The following COX15 variants were observed in gnomAD, a reference collection of about 807,000 sequenced individuals.
The protein encoded by COX15 is cytochrome c oxidase assembly factor COX15, also known as heme A synthase COX15.
A neutral mutation model predicts 51.9 loss-of-function variants in COX15; 51 were observed. The observed-to-expected ratio is 0.98, with a 90% CI of 0.78 to 1.24. COX15 has a LOEUF of 1.24. Ranked by LOEUF, COX15 falls within the 50% of genes most tolerant of loss-of-function variation. The pLI, the probability that COX15 is intolerant of heterozygous loss-of-function variation, is 0.00. For synonymous variants in COX15, 188 were observed against 190.5 expected (o/e 0.99, Z 0.11); for missense variants, 420 against 501.1 (o/e 0.84, Z 1.55).
At chr10:99,705,397 C>T in the COX15 span, 121 of 152,546 alleles carry the variant, frequency 7.9e-4, no homozygotes, top group African/African-American at 2.8e-3. Context: ...AAAATTTTTC[C>T]ATTTTTATGT....
chr10:99,731,929 C>A (rs766895914), intron 1 of COX15, 31 bp downstream of exon 1: 2 of 1,590,492 alleles, frequency 1.3e-6, no homozygotes, highest in South Asian at 2.3e-5. Flanking sequence ...ATCCCCGCTC[C>A]CGCGACTCGG....
rs534607148 is a variant in COX15, at chr10:99,723,837, A to G, written c.750+119T>C. 1.7e-5 allele frequency: 19 copies of G among 1,134,358 alleles called. No homozygotes were observed. In the African/African-American group the frequency reaches 1.7e-4, roughly 10 times the overall value. The allele number at this position is 1,134,358 out of a possible 1,614,324, so 70.3% of individuals were successfully genotyped here. ...TTTTCAATTTGTTTCACCTTTGCCA[A>G]TAGAAAATGTTGGCAAAATATTCAA... On this transcript the variant is annotated intron_variant, in intron 5 of 8. Transcript: ENST00000016171.
chr10:99,703,101 T>C, the COX15 span, among the ~76,000 whole-genome samples: 8 of 152,194 alleles, frequency 5.3e-5, no homozygotes, highest in Non-Finnish European at 1.0e-4. Context: ...CTCCAGACAT[T>C]GTGTCATTGA....
rs141066870 is a variant in COX15, at chr10:99,731,967, C to G, written c.83G>C (p.Arg28Thr). ...TCCGCTGCAGTGCGGTACCTGTGCT[C>G]TAGGCGCTGCCCTAGGAGCCAGGAG... is the stretch of plus-strand genomic sequence containing the variant. ...LPLLAPRAAP[R>T]AQCDCIRRPL... The change falls in exon 1 of 9, where the codon AGA becomes ACA. Residue 28 changes from arginine to threonine, a missense_variant. Transcript: ENST00000016171. 1.5e-4 allele frequency: 240 copies of G among 1,610,504 alleles called. No individual in the cohort carries two copies. Among genetic ancestry groups the G allele is most frequent in the Non-Finnish European group, 1.9e-4 (222 of 1,178,790 alleles).
the COX15 span, chr10:99,698,434 C>A: frequency 8.6e-7 from 1 of 1,160,410 alleles, no homozygotes; most frequent in Non-Finnish European, 1.2e-6. Context: ...ATCATGAAAA[C>A]CAGTAGTAAG....
chr10:99,708,395 T>C (rs1300721115), downstream of COX15, among the ~76,000 whole-genome samples: 2 of 152,208 alleles, frequency 1.3e-5, no homozygotes, highest in African/African-American at 4.8e-5. Flanking sequence ...AAGTGAGTGG[T>C]ATCACTTAAG....
intron 6 of COX15, among the ~76,000 whole-genome samples, chr10:99,719,204 G>T (rs2036677133): frequency 1.3e-5 from 2 of 151,970 alleles, no homozygotes; most frequent in African/African-American, 4.8e-5. Flanking sequence ...GAAATGTTTG[G>T]GTCACACTCG....
At chr10:99,707,532 T>C (rs1305497310), downstream of COX15, among the ~76,000 whole-genome samples, 1 of 152,270 alleles carries the variant, frequency 6.6e-6, no homozygotes, top group Non-Finnish European at 1.5e-5. Context: ...TTCTGCACTT[T>C]GGTGGTTCTC....
rs567616889 is a variant in COX15, at chr10:99,726,835, G to A, written c.582+133C>T. On this transcript the variant is annotated intron_variant, in intron 4 of 8. Coordinates refer to ENST00000016171, the MANE Select transcript of COX15 (RefSeq NM_078470.6). ...TGGGAGGCGGAGCTTGCAGTGAGCC[G>A]AGATCACGCGCCACTGCACTCCAGC... 2,157 of 851,756 alleles carry A rather than the reference G, an allele frequency of 2.5e-3. 2 individuals carry two copies. Among genetic ancestry groups the A allele is most frequent in the Non-Finnish European group, 3.2e-3 (1,760 of 554,876 alleles). The allele number at this position is 851,756 out of a possible 1,614,324, so 52.8% of individuals were successfully genotyped here.
chr10:99,724,476 G>A (rs543115284), intron 4 of COX15, among the ~76,000 whole-genome samples: 16 of 152,112 alleles, frequency 1.1e-4, no homozygotes, highest in South Asian at 4.2e-4. Context: ...CACCACACCC[G>A]GCCTGATCTG....
chr10:99,722,547 G>A (rs927403882), intron 5 of COX15, among the ~76,000 whole-genome samples: 13 of 151,984 alleles, frequency 8.6e-5, no homozygotes, highest in Non-Finnish European at 2.9e-5. Context: ...TAGAAGTTTG[G>A]CTTTGATGGG....
the COX15 span, among the ~76,000 whole-genome samples, chr10:99,694,538 G>GTTT: frequency 2.2e-4 from 29 of 134,402 alleles, no homozygotes; most frequent in East Asian, 4.3e-4. Flanking sequence ...AAGTTTTTTT[G>GTTT]TTTTTTTTTT....
intron 5 of COX15, among the ~76,000 whole-genome samples, chr10:99,721,360 C>G (rs999536895): frequency 6.6e-6 from 1 of 152,180 alleles, no homozygotes; most frequent in African/African-American, 2.4e-5. Flanking sequence ...GTACTCATTA[C>G]GCATCTGTTC....
the COX15 span, chr10:99,698,944 C>T: frequency 7.0e-5 from 87 of 1,249,546 alleles, no homozygotes; most frequent in East Asian, 2.0e-3. Context: ...GTGCAAAGGG[C>T]TTTGCATACA....
At chr10:99,698,000 C>G in the COX15 span, 1 of 158,468 alleles carries the variant, frequency 6.3e-6, no homozygotes, top group Admixed American at 5.9e-5. Flanking sequence ...GCTCCAGGCT[C>G]TGCAGGTGGC....
chr10:99,718,296 C>T, intron 7 of COX15, 50 bp downstream of exon 7: 1 of 1,609,328 alleles, frequency 6.2e-7, no homozygotes, highest in Non-Finnish European at 8.5e-7. Context: ...ACCCCAAAGC[C>T]TATGATAGGC....
At position 99,713,562 on chromosome 10, in the gene COX15, A is replaced by G; in HGVS notation, c.*1025T>C. On this transcript the variant is annotated 3_prime_UTR_variant, in exon 9 of 9. Transcript: ENST00000016171. ...ATCTGGGTAGATGTCCATGCACTAC[A>G]CCATCAAGGCCATATTTTTCTTATT... is the stretch of plus-strand genomic sequence containing the variant. 3 of 1,542,756 alleles carry G rather than the reference A, an allele frequency of 1.9e-6. No homozygotes were observed. The highest frequency in any genetic ancestry group is 2.0e-4 in the Middle Eastern group (1 of 5,072).
chr10:99,704,667 T>G, the COX15 span: 5 of 1,613,606 alleles, frequency 3.1e-6, no homozygotes, highest in Non-Finnish European at 4.2e-6. Flanking sequence ...ATGATGGGAG[T>G]ACAGGTGGGG....
At chr10:99,710,661 T>C (rs1021371415), downstream of COX15, 1 of 985,424 alleles carries the variant, frequency 1.0e-6, no homozygotes, top group Non-Finnish European at 1.2e-6. Context: ...GACATGGGTA[T>C]ATGTGTTACA....
Sources: gnomAD v4.1 joint callset for allele counts (sites outside exome capture counted in the v4.1 genomes callset) on GRCh38, gnomAD v4.1.1 for gene constraint, MANE v1.5 for transcripts, NCBI Gene and HGNC (gene_info 2026-07-23, HGNC 2026-07-21) for gene names.